CASS4: variants seen among roughly 807,000 people sequenced by gnomAD.
The protein encoded by CASS4 is cas scaffolding protein family member 4.
In CASS4, 22 loss-of-function variants were observed where a neutral mutation model predicts 54.2. That is an observed-to-expected ratio of 0.41 (90% confidence interval 0.29 to 0.58). CASS4 has a LOEUF of 0.58. Among genes scored for constraint, CASS4 ranks in the 20% least tolerant of loss-of-function variants. The probability of loss-of-function intolerance (pLI) is 0.36; values close to 1 mark genes in which losing one functional copy is unlikely to be tolerated. For synonymous variants in CASS4, 409 were observed against 391.5 expected (o/e 1.04, Z -0.53); for missense variants, 854 against 986.7 (o/e 0.87, Z 1.80).
rs1477031786 is a variant in CASS4 at position 56,460,338 on chromosome 20, C to T, written c.*1591C>T. 2 of 152,290 alleles carry T rather than the reference C, an allele frequency of 1.3e-5. No individual in the cohort carries two copies. Among genetic ancestry groups the T allele is most frequent in the Non-Finnish European group, 2.9e-5 (2 of 67,942 alleles). 9.4% of individuals were successfully genotyped at this position (152,290 alleles called of 1,614,324 possible). On this transcript the variant is annotated 3_prime_UTR_variant, in exon 6 of 6. Coordinates refer to ENST00000679887, the MANE Select transcript of CASS4 (RefSeq NM_020356.4). ...ACAGTAATGGCAAAAACCACAATTG[C>T]TTTTGCACCACCCTAATAATATTAA...
chr20:56,455,511 C>T (rs1011262519), intron 5 of CASS4, among the ~76,000 whole-genome samples: 1 of 152,220 alleles, frequency 6.6e-6, no homozygotes, highest in African/African-American at 2.4e-5. Flanking sequence ...CCCTGAACCC[C>T]AAACACTAGT....
intron 3 of CASS4, among the ~76,000 whole-genome samples, chr20:56,450,151 C>A (rs1371836582): frequency 6.6e-6 from 1 of 152,044 alleles, no homozygotes; most frequent in Non-Finnish European, 1.5e-5. Context: ...CCTGCCTCAG[C>A]CTCCCGAGTA....
chr20:56,413,534 G>A (rs989300949), intron 1 of CASS4, among the ~76,000 whole-genome samples: 31 of 151,954 alleles, frequency 2.0e-4, no homozygotes, highest in Non-Finnish European at 4.0e-4. Context: ...TTAGCTGAGC[G>A]TGGTGGCGCA....
Position 56,419,288 on chromosome 20 carries a change from T to C in CASS4, c.36+6794T>C, listed in dbSNP as rs79083916. ...AAGGAAATACATTTTTTAGGAACCA[T>C]TTCCAAACATAACGCCTATGAAGTG... On this transcript the variant is annotated intron_variant, in intron 1 of 5. Transcript: ENST00000679887. 4.3e-3 allele frequency among the ~76,000 whole-genome samples: 652 copies of C among 152,298 alleles called. 4 individuals carry two copies. Among genetic ancestry groups the C allele is most frequent in the African/African-American group, 0.015 (628 of 41,550 alleles).
intron 1 of CASS4, among the ~76,000 whole-genome samples, chr20:56,436,426 C>T (rs1382053748): frequency 1.3e-5 from 2 of 148,160 alleles, no homozygotes; most frequent in Non-Finnish European, 3.0e-5. Flanking sequence ...ATCAACCCGT[C>T]ATATATAGTG....
At chr20:56,417,782 C>T (rs1438922111) in intron 1 of CASS4, among the ~76,000 whole-genome samples, 3 of 152,202 alleles carry the variant, frequency 2.0e-5, no homozygotes, top group Non-Finnish European at 2.9e-5. Flanking sequence ...ATTCCTGACT[C>T]TCAGCTCTCT....
At chr20:56,415,262 T>C (rs1397010782) in intron 1 of CASS4, among the ~76,000 whole-genome samples, 2 of 152,194 alleles carry the variant, frequency 1.3e-5, no homozygotes, top group African/African-American at 4.8e-5. Flanking sequence ...TCTTCACTTA[T>C]GGGTCATCCA....
intron 1 of CASS4, among the ~76,000 whole-genome samples, chr20:56,413,672 CAAAAAAAAAAAAAA>C (rs35217347): frequency 3.5e-5 from 1 of 28,314 alleles, no homozygotes; most frequent in Admixed American, 3.6e-4. Context: ...GACTCTGTCT[CAAAAAAAAAAAAAA>C]AAAAAAAAAA....
Position 56,453,034 on chromosome 20 carries a change from G to A in CASS4, c.1858G>A (p.Glu620Lys), listed in dbSNP as rs770674921. ...KYIQPPQRET[E>K]SHQKSTPSTK... is the part of the protein sequence containing the mutation. ...CATCCAGCCTCCCCAAAGAGAAACT[G>A]AATCACACCAAAAGAGTACCCCTTC... is the stretch of plus-strand genomic sequence containing the variant. Residue 620 changes from glutamate (E) to lysine (K), a missense_variant, in exon 5 of 6, where the codon GAA becomes AAA. Transcript: ENST00000679887. The A allele has an allele frequency of 6.2e-7, 1 of 1,613,920 alleles. No homozygotes were observed.
chr20:56,419,958 G>A (rs961161463), intron 1 of CASS4, among the ~76,000 whole-genome samples: 18 of 152,116 alleles, frequency 1.2e-4, no homozygotes, highest in African/African-American at 2.2e-4. Flanking sequence ...CAGGAGAATC[G>A]CTTGAACCCA....
intron 3 of CASS4, among the ~76,000 whole-genome samples, chr20:56,447,976 A>G (rs1980805414): frequency 6.6e-6 from 1 of 152,088 alleles, no homozygotes; most frequent in South Asian, 2.1e-4. Context: ...CCCCGTCTCT[A>G]CTAAAAATAC....
chr20:56,420,506 A>G (rs1325989135), intron 1 of CASS4, among the ~76,000 whole-genome samples: 1 of 151,726 alleles, frequency 6.6e-6, no homozygotes, highest in African/African-American at 2.4e-5. Flanking sequence ...CTCCTGCCTC[A>G]GCCTCCCAAG....
At position 56,452,263 on chromosome 20, in the gene CASS4, G is replaced by A; in HGVS notation, c.1087G>A (p.Gly363Arg). The change falls in exon 5 of 6, where the codon GGG (glycine) becomes AGG (arginine). Residue 363 changes from glycine to arginine, a missense_variant. Transcript: ENST00000679887. ...PKATSSVSQA[G>R]KELEKAKEVS... is the part of the protein sequence containing the mutation. ...AGCAACGTCGAGTGTTTCTCAGGCT[G>A]GGAAGGAGCTGGAGAAAGCCAAGGA... 2 of 1,613,988 alleles carry A rather than the reference G, an allele frequency of 1.2e-6. No individual in the cohort carries two copies. Among genetic ancestry groups the A allele is most frequent in the Non-Finnish European group, 1.7e-6 (2 of 1,180,034 alleles).
chr20:56,420,607 C>CTCTCCCTATA (rs1979368393), intron 1 of CASS4, among the ~76,000 whole-genome samples: 1 of 148,028 alleles, frequency 6.8e-6, no homozygotes, highest in South Asian at 2.1e-4. Context: ...ATTGCCCAGG[C>CTCTCCCTATA]TTGTCTCGAA....
At chr20:56,439,444 G>A (rs889411727) in intron 2 of CASS4, among the ~76,000 whole-genome samples, 4 of 151,940 alleles carry the variant, frequency 2.6e-5, no homozygotes, top group African/African-American at 9.7e-5. Flanking sequence ...GCCAAGGCAG[G>A]AGGATTGCTT....
chr20:56,449,503 C>T (rs1980891021), intron 3 of CASS4, among the ~76,000 whole-genome samples: 1 of 151,996 alleles, frequency 6.6e-6, no homozygotes, highest in Admixed American at 6.6e-5. Flanking sequence ...GGAGATATAC[C>T]TAATGTAAAT....
chr20:56,449,001 A>G (rs1201151163), intron 3 of CASS4, among the ~76,000 whole-genome samples: 3 of 152,278 alleles, frequency 2.0e-5, no homozygotes, highest in East Asian at 3.9e-4. Context: ...ACACTTTTAC[A>G]CTGTTGGTGG....
chr20:56,451,970 A>G lies in CASS4; in HGVS notation c.794A>G (p.Glu265Gly), dbSNP rs1170568485. The G allele has an allele frequency of 6.2e-7, 1 of 1,614,182 alleles. No individual in the cohort carries two copies. The highest frequency in any genetic ancestry group is 8.5e-7 in the Non-Finnish European group (1 of 1,180,032). The change falls in exon 5 of 6, where the codon GAA becomes GGA. Residue 265 changes from glutamate (E) to glycine (G), a missense_variant. Glu to Gly is a moderately conservative substitution (Grantham distance 98). Coordinates refer to ENST00000679887, the MANE Select transcript of CASS4 (RefSeq NM_020356.4). The part of the protein sequence containing the change: ...VRNTPLTSFA[E>G]ESRPHALPSS... The stretch of plus-strand genomic sequence containing the variant: ...AACACGCCTCTCACCAGCTTTGCGG[A>G]AGAATCAAGGCCCCACGCTCTCCCC...
intron 1 of CASS4, among the ~76,000 whole-genome samples, chr20:56,423,720 T>C (rs1416544310): frequency 1.3e-5 from 2 of 152,058 alleles, no homozygotes; most frequent in Admixed American, 1.3e-4. Flanking sequence ...AATTTTTGTA[T>C]TTTTAGTAGA....
Sources: gnomAD v4.1 joint callset for allele counts (sites outside exome capture counted in the v4.1 genomes callset) on GRCh38, gnomAD v4.1.1 for gene constraint, MANE v1.5 for transcripts, NCBI Gene and HGNC (gene_info 2026-07-23, HGNC 2026-07-21) for gene names.